Variants in MCMBP observed in about 807,000 individuals in gnomAD.
MCMBP encodes the protein minichromosome maintenance complex binding protein, also known as mini-chromosome maintenance complex-binding protein.
Under a neutral mutation model 81.3 loss-of-function variants are expected in MCMBP, and 31 were observed. The observed-to-expected ratio is 0.38, with a 90% CI of 0.29 to 0.51. MCMBP has a LOEUF of 0.51. MCMBP is among the 20% of genes least tolerant of loss of function. The pLI is 0.87. For missense variants in MCMBP, 645 were observed against 772.1 expected (o/e 0.84, Z 1.95); for synonymous variants, 267 against 275.9 (o/e 0.97, Z 0.32).
chr10:119,842,759 G>A, intron 9 of MCMBP, 164 bp from the exon 10 acceptor site: 3 of 713,774 alleles, frequency 4.2e-6, no homozygotes, highest in Non-Finnish European at 4.2e-6. Flanking sequence ...AAGGCAGTTT[G>A]CATCCTCCTT....
intron 13 of MCMBP, 140 bp downstream of exon 13, chr10:119,836,756 A>G: frequency 3.4e-6 from 2 of 581,212 alleles, no homozygotes; most frequent in Non-Finnish European, 5.4e-6. Flanking sequence ...CAGCAGTCAC[A>G]GTTTTTTTTT....
At chr10:119,869,798 G>C (rs1399640540) in intron 1 of MCMBP, among the ~76,000 whole-genome samples, 2 of 152,100 alleles carry the variant, frequency 1.3e-5, no homozygotes, top group Admixed American at 6.5e-5. Flanking sequence ...ACCAAATTCA[G>C]ATCCTGAAAG....
intron 10 of MCMBP, among the ~76,000 whole-genome samples, chr10:119,841,812 T>A (rs1363162485): frequency 6.6e-6 from 1 of 152,240 alleles, no homozygotes; most frequent in Non-Finnish European, 1.5e-5. Context: ...ATGTCCACGT[T>A]AAACGTGCAC....
intron 1 of MCMBP, among the ~76,000 whole-genome samples, chr10:119,872,109 T>C (rs1767662286): frequency 6.6e-6 from 1 of 152,160 alleles, no homozygotes; most frequent in South Asian, 2.1e-4. Flanking sequence ...AAATATCCTG[T>C]GGGCTTCCCA....
chr10:119,841,563 T>C (rs926256224), intron 10 of MCMBP, among the ~76,000 whole-genome samples: 3 of 152,228 alleles, frequency 2.0e-5, no homozygotes, highest in African/African-American at 7.2e-5. Flanking sequence ...TATCAACTGC[T>C]GAAAACAAGA....
intron 7 of MCMBP, among the ~76,000 whole-genome samples, chr10:119,848,598 G>A (rs985964869): frequency 1.3e-5 from 2 of 152,068 alleles, no homozygotes; most frequent in African/African-American, 4.8e-5. Context: ...GGACAAGAGA[G>A]TGAGACTGCC....
At chr10:119,851,558 A>G (rs1391632163) in intron 6 of MCMBP, among the ~76,000 whole-genome samples, 2 of 151,986 alleles carry the variant, frequency 1.3e-5, no homozygotes, top group East Asian at 1.9e-4. Context: ...TTAGCCTCCC[A>G]AACAGCTGGG....
chr10:119,856,712 G>C (rs889423040), intron 5 of MCMBP, among the ~76,000 whole-genome samples: 1 of 152,120 alleles, frequency 6.6e-6, no homozygotes, highest in Non-Finnish European at 1.5e-5. Flanking sequence ...TAAATAAAAA[G>C]GAAATGTTTC....
chr10:119,837,027 C>T lies in MCMBP; in HGVS notation c.1411G>A (p.Val471Ile), dbSNP rs1852271055. Residue 471 changes from valine to isoleucine, a missense_variant and splice_region_variant, in exon 13 of 16, where the codon GTT becomes ATT. Coordinates refer to ENST00000369077, the MANE Select transcript of MCMBP (RefSeq NM_001256378.2). Reference protein sequence around the residue: ...LEQGQLDTPGVHNVTALSNLI... With the variant: ...LEQGQLDTPGIHNVTALSNLI... ...TTGCTCAGGGCTGTCACATTATGAA[C>T]ACCTACAAAGGCAGGAAAACACTTT... The T allele has an allele frequency of 6.2e-7, 1 of 1,612,564 alleles. No homozygotes were observed. Among genetic ancestry groups the T allele is most frequent in the African/African-American group, 1.3e-5 (1 of 74,806 alleles).
intron 14 of MCMBP, among the ~76,000 whole-genome samples, chr10:119,833,744 G>A (rs1250926810): frequency 6.6e-6 from 1 of 152,092 alleles, no homozygotes; most frequent in Non-Finnish European, 1.5e-5. Context: ...TTGGGGATAA[G>A]GGAGTCAGTA....
chr10:119,865,163 T>A (rs574217205), intron 1 of MCMBP, among the ~76,000 whole-genome samples: 1 of 152,338 alleles, frequency 6.6e-6, no homozygotes, highest in Non-Finnish European at 1.5e-5. Context: ...TTTCTTCTTT[T>A]ATTTCTGCTG....
chr10:119,846,982 T>G (rs570684993), intron 8 of MCMBP, among the ~76,000 whole-genome samples: 1 of 152,214 alleles, frequency 6.6e-6, no homozygotes, highest in African/African-American at 2.4e-5. Flanking sequence ...CTCTAGTTAT[T>G]TAGGTTTATG....
At chr10:119,833,985 C>G (rs1852146254) in intron 14 of MCMBP, among the ~76,000 whole-genome samples, 1 of 151,950 alleles carries the variant, frequency 6.6e-6, no homozygotes. Flanking sequence ...CAGATTTGAT[C>G]AGGCAGAAGA....
intron 1 of MCMBP, among the ~76,000 whole-genome samples, chr10:119,864,911 AT>A: frequency 6.6e-6 from 1 of 152,340 alleles, no homozygotes. Flanking sequence ...CTTCTTATAT[AT>A]AAAGTTTACT....
chr10:119,868,369 T>G (rs1274192873), intron 1 of MCMBP, among the ~76,000 whole-genome samples: 3 of 152,102 alleles, frequency 2.0e-5, no homozygotes, highest in Admixed American at 2.0e-4. Context: ...GAGGTTGCAG[T>G]GAGCCGAGAT....
At position 119,839,244 on chromosome 10, in the gene MCMBP, C is replaced by T. The variant is rs895539093; in HGVS notation, c.1243-544G>A. Among the ~76,000 whole-genome samples the T allele has an allele frequency of 3.3e-5, 5 of 152,310 alleles. No homozygotes were observed. The South Asian group carries it at 1.0e-3, about 32-fold the overall frequency. On this transcript the variant is annotated intron_variant, in intron 11 of 15. Transcript: ENST00000369077. ...CCTCCAGGACGCGAGCACCTTCTCA[C>T]TCAGTGTTTAACGAGTAAGCGAACC...
At chr10:119,847,921 C>G (rs1400340686) in intron 7 of MCMBP, among the ~76,000 whole-genome samples, 1 of 151,806 alleles carries the variant, frequency 6.6e-6, no homozygotes, top group Non-Finnish European at 1.5e-5. Flanking sequence ...TGCCTAACTT[C>G]CAGACTAATG....
intron 4 of MCMBP, 177 bp from the exon 5 acceptor site, chr10:119,857,616 T>C (rs1853099870): frequency 2.1e-6 from 1 of 467,670 alleles, no homozygotes; most frequent in Non-Finnish European, 3.8e-6. Flanking sequence ...TAAAATCACT[T>C]CAAATACTGT....
At chr10:119,853,592 A>G (rs756379500) in intron 5 of MCMBP, among the ~76,000 whole-genome samples, 34 of 152,232 alleles carry the variant, frequency 2.2e-4, no homozygotes, top group Admixed American at 3.3e-4. Context: ...GACAGAGCAC[A>G]TGGTTCAGGG....
Sources: allele counts gnomAD v4.1 joint callset (sites outside exome capture counted in the v4.1 genomes callset), GRCh38; gene constraint gnomAD v4.1.1; transcripts MANE v1.5; gene names NCBI Gene and HGNC (gene_info 2026-07-23, HGNC 2026-07-21).